SLC9A9: variants seen among roughly 807,000 people sequenced by gnomAD.
The protein encoded by SLC9A9 is solute carrier family 9 member A9.
Under a neutral mutation model 77.8 loss-of-function variants are expected in SLC9A9, and 62 were observed. The ratio of observed to expected loss-of-function variants is 0.80; its 90% CI spans 0.65 to 0.98. The LOEUF is 0.98. Ranked by LOEUF, SLC9A9 falls within the 50% of genes least tolerant of loss-of-function variation. The pLI is 0.00. For synonymous variants in SLC9A9, 320 were observed against 283.5 expected (o/e 1.13, Z -1.29); for missense variants, 775 against 774.9 (o/e 1.00, Z 0.00).
At chr3:143,614,002 G>A (rs2108703034) in intron 6 of SLC9A9, among the ~76,000 whole-genome samples, 1 of 152,240 alleles carries the variant, frequency 6.6e-6, no homozygotes. Flanking sequence ...CAACAACATA[G>A]TGTATCTCTC....
chr3:143,815,622 T>G (rs957858638), intron 2 of SLC9A9, among the ~76,000 whole-genome samples: 5 of 152,038 alleles, frequency 3.3e-5, no homozygotes, highest in African/African-American at 9.7e-5. Context: ...TCCCAGCTCT[T>G]TGGGAGGCTG....
At chr3:143,787,574 T>C (rs1025059969) in intron 4 of SLC9A9, among the ~76,000 whole-genome samples, 5 of 152,176 alleles carry the variant, frequency 3.3e-5, no homozygotes, top group Non-Finnish European at 7.4e-5. Context: ...CAGGACTTGA[T>C]TTGTTTATTT....
chr3:143,837,040 T>C (rs1293855259), intron 1 of SLC9A9, among the ~76,000 whole-genome samples: 1 of 152,218 alleles, frequency 6.6e-6, no homozygotes, highest in East Asian at 1.9e-4. Context: ...TTTCTTAAAG[T>C]GGCTTTTCTT....
intron 9 of SLC9A9, among the ~76,000 whole-genome samples, chr3:143,532,236 G>A (rs2036520669): frequency 6.6e-6 from 1 of 152,142 alleles, no homozygotes; most frequent in Admixed American, 6.5e-5. Flanking sequence ...GCCCTGATTT[G>A]TAGTGCAAGC....
rs147789484 is a variant in SLC9A9, at chr3:143,269,836, T to TTATC, written c.1605-860_1605-857dup. Among the ~76,000 whole-genome samples, 335 of 151,936 alleles carry TTATC rather than the reference T, an allele frequency of 2.2e-3. 3 individuals are homozygous for TTATC. The highest frequency in any genetic ancestry group is 7.6e-3 in the African/African-American group (316 of 41,398). On this transcript the variant is annotated intron_variant, in intron 14 of 15. Transcript: ENST00000316549. ...GGGAAAGGGAAAAAATGGAGAGGAG[T>TTATC]TATCATTGGTTGGATCATGAAGATC... is the stretch of plus-strand genomic sequence containing the variant.
At chr3:143,301,002 T>C (rs2030494174) in intron 14 of SLC9A9, among the ~76,000 whole-genome samples, 1 of 152,198 alleles carries the variant, frequency 6.6e-6, no homozygotes, top group Non-Finnish European at 1.5e-5. Context: ...TGTGGTCCAG[T>C]AGCTCAGAAA....
intron 6 of SLC9A9, among the ~76,000 whole-genome samples, chr3:143,588,085 C>T (rs1282354062): frequency 6.6e-6 from 1 of 152,138 alleles, no homozygotes; most frequent in Admixed American, 6.5e-5. Context: ...ATTCTTAGAT[C>T]TGATGGAAAA....
chr3:143,630,911 T>C (rs1653210104), intron 6 of SLC9A9, among the ~76,000 whole-genome samples: 1 of 152,122 alleles, frequency 6.6e-6, no homozygotes, highest in Non-Finnish European at 1.5e-5. Context: ...CAAGAAGTCT[T>C]TTTCCAGCTC....
chr3:143,387,028 A>G (rs898160294), intron 12 of SLC9A9, among the ~76,000 whole-genome samples: 5 of 152,036 alleles, frequency 3.3e-5, no homozygotes, highest in Non-Finnish European at 5.9e-5. Flanking sequence ...TTCAGTAGAG[A>G]TGGGGTTTTG....
chr3:143,306,843 C>T (rs1210931335), intron 14 of SLC9A9, among the ~76,000 whole-genome samples: 2 of 152,218 alleles, frequency 1.3e-5, no homozygotes, highest in East Asian at 3.8e-4. Flanking sequence ...GGTATTTTCT[C>T]TTCTCAGCCC....
intron 6 of SLC9A9, among the ~76,000 whole-genome samples, chr3:143,581,195 C>A (rs1458745603): frequency 1.3e-5 from 2 of 152,012 alleles, no homozygotes; most frequent in African/African-American, 2.4e-5. Flanking sequence ...AGAGAGTATT[C>A]CAGGCAGTGG....
chr3:143,754,347 T>C (rs1170084955), intron 4 of SLC9A9, among the ~76,000 whole-genome samples: 1 of 152,062 alleles, frequency 6.6e-6, no homozygotes, highest in Non-Finnish European at 1.5e-5. Flanking sequence ...TGAACAGGAG[T>C]CAGGTCTATG....
At chr3:143,711,802 C>G (rs553725613) in intron 4 of SLC9A9, among the ~76,000 whole-genome samples, 1 of 152,120 alleles carries the variant, frequency 6.6e-6, no homozygotes, top group South Asian at 2.1e-4. Context: ...ACCACTCCAG[C>G]AACAGAAGTA....
At chr3:143,394,088 CT>C (rs1416424571) in intron 12 of SLC9A9, among the ~76,000 whole-genome samples, 4 of 152,196 alleles carry the variant, frequency 2.6e-5, no homozygotes, top group African/African-American at 9.7e-5. Context: ...GGAATCCCCC[CT>C]AACTCATTTT....
At chr3:143,545,486 C>A (rs77208840) in intron 9 of SLC9A9, among the ~76,000 whole-genome samples, 3,476 of 152,296 alleles carry the variant, frequency 0.023, 142 homozygotes, top group African/African-American at 0.08. Flanking sequence ...CCTTGTCTCC[C>A]TGGCTTCCAG....
intron 12 of SLC9A9, among the ~76,000 whole-genome samples, chr3:143,423,584 T>C (rs1021487727): frequency 6.6e-6 from 1 of 152,094 alleles, no homozygotes. Context: ...TCAAAATAAA[T>C]AATGGTAGTT....
chr3:143,813,544 C>T (rs147489606), intron 2 of SLC9A9, among the ~76,000 whole-genome samples: 6 of 152,130 alleles, frequency 3.9e-5, no homozygotes, highest in African/African-American at 7.2e-5. Context: ...CTCTTCCTCC[C>T]GCTCCCAAAC....
intron 13 of SLC9A9, among the ~76,000 whole-genome samples, chr3:143,367,395 T>C (rs73144736): frequency 0.1 from 15,876 of 152,244 alleles, 981 homozygotes; most frequent in East Asian, 0.15. Flanking sequence ...CATTGACATT[T>C]ACACCAATCC....
chr3:143,578,687 A>G lies in SLC9A9; in HGVS notation c.792T>C (p.Asn264=), dbSNP rs760971864. 4 of 1,614,096 alleles carry G rather than the reference A, an allele frequency of 2.5e-6. No homozygotes were observed. The South Asian group carries it at 3.3e-5, about 13-fold the overall frequency. ...GGAAGAATGCTGCGGCATCAAATGC[A>G]TTTGGATTCTCCTTGGGACTGTAAA... ...ISIYSPKENP[N]AFDAAAFFQS... is the part of the protein sequence containing the mutation. Residue 264 remains asparagine, a synonymous_variant, in exon 7 of 16, where the codon AAT becomes AAC. Transcript: ENST00000316549.
Sources: gnomAD v4.1 joint callset for allele counts (sites outside exome capture counted in the v4.1 genomes callset) on GRCh38, gnomAD v4.1.1 for gene constraint, MANE v1.5 for transcripts, NCBI Gene and HGNC (gene_info 2026-07-23, HGNC 2026-07-21) for gene names.